SDK1: variants seen among roughly 807,000 people sequenced by gnomAD.
SDK1 encodes the protein sidekick cell adhesion molecule 1.
Under a neutral mutation model 245.5 loss-of-function variants are expected in SDK1, and 157 were observed. The observed-to-expected ratio is 0.64, with a 90% CI of 0.56 to 0.73. SDK1 has a LOEUF of 0.73. Ranked by LOEUF, SDK1 falls within the 30% of genes least tolerant of loss-of-function variation. The pLI, the probability that SDK1 is intolerant of heterozygous loss-of-function variation, is 0.00. For missense variants in SDK1, 3,583 were observed against 3,002.3 expected, an observed-to-expected ratio of 1.19 and a Z score of -4.52; for synonymous variants, 1,647 against 1,278.5, an observed-to-expected ratio of 1.29 and a Z score of -6.15.
intron 4 of SDK1, among the ~76,000 whole-genome samples, chr7:3,799,107 G>A (rs1323313268): frequency 6.6e-6 from 1 of 152,176 alleles, no homozygotes; most frequent in Non-Finnish European, 1.5e-5. Flanking sequence ...ATAACCAGTA[G>A]AATAAGTCCC....
intron 4 of SDK1, among the ~76,000 whole-genome samples, chr7:3,703,348 A>C (rs1399877865): frequency 3.3e-5 from 5 of 152,246 alleles, no homozygotes; most frequent in Non-Finnish European, 2.9e-5. Context: ...ATTACACTGA[A>C]AAAAAGCCTG....
chr7:4,193,114 A>C (rs1244908598), intron 35 of SDK1, among the ~76,000 whole-genome samples: 5 of 134,262 alleles, frequency 3.7e-5, no homozygotes, highest in Middle Eastern at 3.7e-3. Flanking sequence ...TAAATATATT[A>C]AAATATATAT....
chr7:4,265,367 T>G lies in SDK1; in HGVS notation c.6625T>G (p.Phe2209Val), dbSNP rs766577064. ...GPGARTPLTG[F>V]SSFV ...CGGCGCGCGAACTCCGCTCACCGGC[T>G]TCTCCTCCTTCGTGTGAGCAAAGCG... The change falls in exon 45 of 45, where the codon TTC (phenylalanine) becomes GTC (valine). Residue 2209 changes from phenylalanine to valine, a missense_variant. Coordinates refer to ENST00000404826, the MANE Select transcript of SDK1 (RefSeq NM_152744.4). 3 of 1,446,428 alleles carry G rather than the reference T, an allele frequency of 2.1e-6. No homozygotes were observed. In the African/African-American group the frequency reaches 4.4e-5, roughly 21 times the overall value. The allele number at this position is 1,446,428 out of a possible 1,614,324, so 89.6% of individuals were successfully genotyped here.
At chr7:3,458,854 C>T (rs549880917) in intron 1 of SDK1, among the ~76,000 whole-genome samples, 111 of 152,182 alleles carry the variant, frequency 7.3e-4, no homozygotes, top group Non-Finnish European at 1.2e-3. Context: ...CCATTATCAC[C>T]GTATCTTAAT....
chr7:3,992,200 C>T (rs981425614), intron 14 of SDK1, among the ~76,000 whole-genome samples: 1 of 152,222 alleles, frequency 6.6e-6, no homozygotes, highest in South Asian at 2.1e-4. Flanking sequence ...TGACGACATT[C>T]CTGCCACTGC....
chr7:4,026,076 AG>A lies in SDK1; in HGVS notation c.2602+8725del, dbSNP rs143198972. Among the ~76,000 whole-genome samples the A allele has an allele frequency of 4.9e-3, 753 of 152,360 alleles. 2 individuals carry two copies. Among genetic ancestry groups the A allele is most frequent in the African/African-American group, 0.018 (737 of 41,592 alleles). On this transcript the variant is annotated intron_variant, in intron 17 of 44. Coordinates refer to ENST00000404826, the MANE Select transcript of SDK1 (RefSeq NM_152744.4). The surrounding 1 kb of genome is among the most constrained non-coding windows in gnomAD (Gnocchi z 4.1). Reference sequence around the variant, plus strand: ...CCAGCGTTGGGGAGGTATGCCACTCAGCACCCTGGACACGCCAGGCCGCAGC... The same window carrying A: ...CCAGCGTTGGGGAGGTATGCCACTCACACCCTGGACACGCCAGGCCGCAGC...
At chr7:3,507,219 G>C (rs1379410651) in intron 1 of SDK1, among the ~76,000 whole-genome samples, 1 of 152,156 alleles carries the variant, frequency 6.6e-6, no homozygotes, top group Non-Finnish European at 1.5e-5. Context: ...GTTCTCTCTA[G>C]TAGTTGTCGT....
chr7:4,194,567 A>G (rs946226382), intron 35 of SDK1, among the ~76,000 whole-genome samples: 4 of 152,136 alleles, frequency 2.6e-5, no homozygotes, highest in Non-Finnish European at 5.9e-5. Context: ...GGAGCAAGCA[A>G]GGAGATCCAG....
intron 5 of SDK1, among the ~76,000 whole-genome samples, chr7:3,827,260 C>T (rs1779798892): frequency 1.3e-5 from 2 of 152,164 alleles, no homozygotes; most frequent in South Asian, 4.1e-4. Flanking sequence ...AAGGCGTAGG[C>T]AGGCATGTAA....
intron 4 of SDK1, among the ~76,000 whole-genome samples, chr7:3,814,989 C>T (rs1779471730): frequency 6.6e-6 from 1 of 150,588 alleles, no homozygotes. Context: ...GCTGAAGTTG[C>T]TTATCAGCTT....
chr7:3,349,568 G>A (rs1780602010), intron 1 of SDK1, among the ~76,000 whole-genome samples: 1 of 152,170 alleles, frequency 6.6e-6, no homozygotes, highest in Admixed American at 6.5e-5. Context: ...AACTGTGGAA[G>A]TCATACCTGC....
At chr7:3,533,701 C>T (rs1023320771) in intron 1 of SDK1, among the ~76,000 whole-genome samples, 5 of 152,070 alleles carry the variant, frequency 3.3e-5, no homozygotes, top group African/African-American at 1.2e-4. Flanking sequence ...AGAACTCTTG[C>T]TAGTTTCCTG....
intron 1 of SDK1, among the ~76,000 whole-genome samples, chr7:3,582,936 A>G (rs1384029812): frequency 6.6e-6 from 1 of 152,152 alleles, no homozygotes. Flanking sequence ...AGGGGGGCAG[A>G]TAACCAAGCA....
intron 38 of SDK1, among the ~76,000 whole-genome samples, chr7:4,215,225 A>G (rs1784727385): frequency 6.6e-6 from 1 of 152,186 alleles, no homozygotes; most frequent in South Asian, 2.1e-4. Flanking sequence ...GTCAGCTTAT[A>G]TCTCATCGGG....
chr7:3,841,879 G>A (rs1780167408), intron 5 of SDK1, among the ~76,000 whole-genome samples: 1 of 152,104 alleles, frequency 6.6e-6, no homozygotes, highest in African/African-American at 2.4e-5. Context: ...GATTCTCCAA[G>A]TCATAAGGAT....
chr7:3,702,265 T>C (rs1784762194), intron 4 of SDK1, among the ~76,000 whole-genome samples: 1 of 152,160 alleles, frequency 6.6e-6, no homozygotes, highest in Non-Finnish European at 1.5e-5. Flanking sequence ...CATAAAGATT[T>C]CTCAAAATTC....
chr7:3,750,434 T>C (rs543625805), intron 4 of SDK1, among the ~76,000 whole-genome samples: 3 of 152,344 alleles, frequency 2.0e-5, no homozygotes, highest in South Asian at 4.1e-4. Context: ...TCTTCAGTGA[T>C]ACTTGTTAAA....
At chr7:4,113,182 C>T in intron 23 of SDK1, 107 bp from the exon 24 acceptor site, 1 of 1,179,388 alleles carries the variant, frequency 8.5e-7, no homozygotes, top group Non-Finnish European at 1.2e-6. Flanking sequence ...TATGAGTAGA[C>T]ACCTATCTGA....
At chr7:3,308,603 G>A (rs927715844) in intron 1 of SDK1, among the ~76,000 whole-genome samples, 2 of 152,062 alleles carry the variant, frequency 1.3e-5, no homozygotes, top group Admixed American at 6.5e-5. Flanking sequence ...ATGAACATGG[G>A]TAAGACTATA....
Sources: gnomAD v4.1 joint callset for allele counts (sites outside exome capture counted in the v4.1 genomes callset) on GRCh38, gnomAD v4.1.1 for gene constraint, Gnocchi (gnomAD v3.1) non-coding constraint, MANE v1.5 for transcripts, NCBI Gene and HGNC (gene_info 2026-07-23, HGNC 2026-07-21) for gene names.